Variants in CPNE4 observed in about 807,000 individuals in gnomAD.
The protein encoded by CPNE4 is copine-4.
In CPNE4, 25 loss-of-function variants were observed where a neutral mutation model predicts 67.9. That is an observed-to-expected ratio of 0.37 (90% confidence interval 0.27 to 0.51). CPNE4 has a LOEUF of 0.51. CPNE4 is among the 20% of genes least tolerant of loss of function. The probability of loss-of-function intolerance (pLI) is 0.93; values close to 1 mark genes in which losing one functional copy is unlikely to be tolerated. For synonymous variants in CPNE4, 242 were observed against 244.9 expected (o/e 0.99, Z 0.11); for missense variants, 464 against 690.8 (o/e 0.67, Z 3.68).
Position 131,793,580 on chromosome 3 carries a change from C to T in CPNE4, c.181-69955G>A, listed in dbSNP as rs73875015. On this transcript the variant is annotated intron_variant, in intron 2 of 15. Transcript: ENST00000429747. ...AGCATCTGCATTTCTGATACATAGT[C>T]ACTATCTCTCTCACTCACTAAGATC... Among the ~76,000 whole-genome samples, 558 of 152,306 alleles carry T rather than the reference C, an allele frequency of 3.7e-3. 5 individuals carry two copies. The highest frequency in any genetic ancestry group is 0.013 in the African/African-American group (541 of 41,570).
intron 7 of CPNE4, among the ~76,000 whole-genome samples, chr3:131,591,359 C>T (rs753340151): frequency 2.2e-4 from 33 of 152,124 alleles, no homozygotes; most frequent in Non-Finnish European, 3.1e-4. Flanking sequence ...TTTTTTTTAA[C>T]ACTACCCTGA....
chr3:132,024,376 G>A (rs141710034), intron 1 of CPNE4, among the ~76,000 whole-genome samples: 298 of 152,220 alleles, frequency 2.0e-3, no homozygotes, highest in African/African-American at 6.5e-3. Flanking sequence ...GAGCCATTGC[G>A]CCCAGCCCTG....
At chr3:131,945,957 T>C (rs2071540514) in intron 1 of CPNE4, among the ~76,000 whole-genome samples, 1 of 152,204 alleles carries the variant, frequency 6.6e-6, no homozygotes, top group Non-Finnish European at 1.5e-5. Context: ...GACAAGTTGC[T>C]ACCCATCTCA....
chr3:131,535,957 C>T (rs1300112571), intron 15 of CPNE4, among the ~76,000 whole-genome samples: 4 of 152,164 alleles, frequency 2.6e-5, no homozygotes, highest in Non-Finnish European at 4.4e-5. Flanking sequence ...ACTAACTTAT[C>T]TTGGAGGCTT....
chr3:131,619,459 G>A (rs538240626), intron 7 of CPNE4, among the ~76,000 whole-genome samples: 6 of 152,100 alleles, frequency 3.9e-5, no homozygotes, highest in Non-Finnish European at 5.9e-5. Context: ...CATGAAGGGC[G>A]GTAAGAGAAG....
intron 2 of CPNE4, among the ~76,000 whole-genome samples, chr3:131,813,937 G>T (rs1172266300): frequency 6.6e-6 from 1 of 152,182 alleles, no homozygotes; most frequent in Admixed American, 6.5e-5. Flanking sequence ...TTGACAAGAG[G>T]TTCAGAATGT....
At chr3:131,553,452 G>A (rs1413405253) in intron 12 of CPNE4, among the ~76,000 whole-genome samples, 1 of 152,026 alleles carries the variant, frequency 6.6e-6, no homozygotes, top group Non-Finnish European at 1.5e-5. Context: ...GCTTGCCCAA[G>A]TGACAGGCTA....
At chr3:131,643,013 G>A (rs1474717989) in intron 7 of CPNE4, among the ~76,000 whole-genome samples, 3 of 152,146 alleles carry the variant, frequency 2.0e-5, no homozygotes, top group Admixed American at 6.5e-5. Flanking sequence ...CAGTTTGGAG[G>A]GCTCAGAAGA....
At position 131,658,464 on chromosome 3, in the gene CPNE4, G is replaced by C. The variant is rs536432671; in HGVS notation, c.681+11211C>G. 1.2e-4 allele frequency among the ~76,000 whole-genome samples: 19 copies of C among 152,292 alleles called. No individual in the cohort carries two copies. In the East Asian group the frequency reaches 3.7e-3, roughly 29 times the overall value. On this transcript the variant is annotated intron_variant, in intron 7 of 15. Coordinates refer to ENST00000429747, the MANE Select transcript of CPNE4 (RefSeq NM_130808.3). ...AAAAGTATTTATGCTCATTTTCAATGAGCTCATGTTCCCAAGAAAGAACAA... is the reference window on the plus strand; with the variant it reads ...AAAAGTATTTATGCTCATTTTCAATCAGCTCATGTTCCCAAGAAAGAACAA...
At chr3:131,685,999 A>G in intron 5 of CPNE4, 41 bp from the exon 6 acceptor site, 1 of 1,100,384 alleles carries the variant, frequency 9.1e-7, no homozygotes, top group South Asian at 1.3e-5. Context: ...TTCCTCCTGC[A>G]TTTGATCTAG....
intron 1 of CPNE4, among the ~76,000 whole-genome samples, chr3:131,997,730 C>T (rs756616822): frequency 3.3e-5 from 5 of 152,092 alleles, no homozygotes; most frequent in Non-Finnish European, 5.9e-5. Flanking sequence ...GTGGAATGCT[C>T]AGCATGGTCA....
chr3:131,680,652 C>T (rs1045083294), intron 6 of CPNE4, among the ~76,000 whole-genome samples: 2 of 152,056 alleles, frequency 1.3e-5, no homozygotes, highest in African/African-American at 4.8e-5. Flanking sequence ...CTTTTCCCCA[C>T]AGAAATGTAT....
At chr3:131,935,361 G>C (rs2071192586) in intron 1 of CPNE4, among the ~76,000 whole-genome samples, 1 of 152,162 alleles carries the variant, frequency 6.6e-6, no homozygotes. Flanking sequence ...TCTCAACAAG[G>C]TAATAGAATC....
At chr3:131,584,057 T>G (rs1165813544) in intron 8 of CPNE4, among the ~76,000 whole-genome samples, 1 of 152,164 alleles carries the variant, frequency 6.6e-6, no homozygotes, top group Non-Finnish European at 1.5e-5. Context: ...ATTCAAGAAT[T>G]AATCAAGGTT....
At chr3:131,610,587 C>A (rs907829817) in intron 7 of CPNE4, among the ~76,000 whole-genome samples, 1 of 152,176 alleles carries the variant, frequency 6.6e-6, no homozygotes, top group Non-Finnish European at 1.5e-5. Flanking sequence ...TGTGACTACA[C>A]TGTTTTTAGA....
intron 2 of CPNE4, among the ~76,000 whole-genome samples, chr3:131,848,038 C>G (rs2086072825): frequency 6.6e-6 from 1 of 152,102 alleles, no homozygotes; most frequent in South Asian, 2.1e-4. Flanking sequence ...TCAGATAGTA[C>G]CCCTCTTGTG....
At chr3:131,789,276 A>T (rs2055988) in intron 2 of CPNE4, among the ~76,000 whole-genome samples, 64,578 of 151,962 alleles carry the variant, frequency 0.42, 13,781 homozygotes, top group East Asian at 0.48. Context: ...AGACCTGTCA[A>T]TTACTAGCTG....
At chr3:131,785,055 T>A (rs1212333829) in intron 2 of CPNE4, among the ~76,000 whole-genome samples, 2 of 152,102 alleles carry the variant, frequency 1.3e-5, no homozygotes, top group Non-Finnish European at 2.9e-5. Flanking sequence ...ATGTGTAGAA[T>A]GGAGATATTA....
chr3:131,808,302 A>G (rs1414335593), intron 2 of CPNE4, among the ~76,000 whole-genome samples: 1 of 152,236 alleles, frequency 6.6e-6, no homozygotes, highest in African/African-American at 2.4e-5. Context: ...GAACTCTCAG[A>G]CAGAGGATTT....
Sources: allele counts gnomAD v4.1 joint callset (sites outside exome capture counted in the v4.1 genomes callset), GRCh38; gene constraint gnomAD v4.1.1; transcripts MANE v1.5; gene names NCBI Gene and HGNC (gene_info 2026-07-23, HGNC 2026-07-21).